PRAMEF11: variants seen among roughly 807,000 people sequenced by gnomAD.
PRAMEF11 encodes PRAME family member 11.
A neutral mutation model predicts 33.6 loss-of-function variants in PRAMEF11; 17 were observed. That is an observed-to-expected ratio of 0.51 (90% CI 0.35 to 0.76). The LOEUF (loss-of-function observed/expected upper bound fraction) is 0.76, where lower values mean the gene tolerates loss of function less well. PRAMEF11 is among the 30% of genes least tolerant of loss of function. The pLI is 0.01. For synonymous variants in PRAMEF11, 205 were observed against 227.3 expected, an observed-to-expected ratio of 0.90 and a Z score of 0.88; for missense variants, 568 against 567.0, an observed-to-expected ratio of 1.00 and a Z score of -0.02.
rs746696748 is a variant in PRAMEF11, at chr1:12,825,215, A to G, written c.1164T>C (p.Cys388=). Reference sequence around the variant, plus strand: ...GGGTGGCCATGCAGATGGGATTTCCACAGAAGCTGAAGGTGTTGAGCTCAA... The same window carrying G: ...GGGTGGCCATGCAGATGGGATTTCCGCAGAAGCTGAAGGTGTTGAGCTCAA... The part of the protein sequence containing the change: ...RCFELNTFSF[C]GNPICMATLE... The change falls in exon 4 of 4, where the codon TGT becomes TGC. Residue 388 remains cysteine (C), a synonymous_variant. Coordinates refer to ENST00000619922, the MANE Select transcript of PRAMEF11 (RefSeq NM_001146344.3). The G allele has an allele frequency of 6.2e-7, 1 of 1,607,418 alleles. No individual in the cohort carries two copies. Among genetic ancestry groups the G allele is most frequent in the African/African-American group, 1.3e-5 (1 of 74,500 alleles).
intron 1 of PRAMEF11, among the ~76,000 whole-genome samples, chr1:12,830,213 C>T (rs1291681584): frequency 6.6e-6 from 1 of 151,378 alleles, no homozygotes; most frequent in Non-Finnish European, 1.5e-5. Flanking sequence ...AAACAGTTTT[C>T]AAAGACAGAG....
rs200394590 is a variant in PRAMEF11, at chr1:12,828,511, T to C, written c.279A>G (p.Gln93=). The C allele has an allele frequency of 1.9e-6, 3 of 1,597,826 alleles. No homozygotes were observed. Among genetic ancestry groups the C allele is most frequent in the Non-Finnish European group, 1.7e-6 (2 of 1,172,040 alleles). Residue 93 remains glutamine, a synonymous_variant, in exon 2 of 4, where the codon CAA becomes CAG. Transcript: ENST00000619922. ...VLDGLDALLT[Q]GVRPRRWKLQ... ...GGCCACCTCACCTGGGACGAACCCC[T>C]TGGGTAAGCAGTGCATCCAGCCCAT... is the stretch of plus-strand genomic sequence containing the variant.
Position 12,824,796 on chromosome 1 carries a change from T to A in PRAMEF11, c.*146A>T. On this transcript the variant is annotated 3_prime_UTR_variant, in exon 4 of 4. Transcript: ENST00000619922. ...CATTTCCCCCAAGTCCTGCCCCTGC[T>A]TGATCAGCTTTCCTTTCCCACTTTC... is the stretch of plus-strand genomic sequence containing the variant. 7.6e-7 allele frequency: 1 copy of A among 1,313,114 alleles called. No homozygotes were observed. The highest frequency in any genetic ancestry group is 1.1e-6 in the Non-Finnish European group (1 of 951,290). The allele number at this position is 1,313,114 out of a possible 1,614,324, so 81.3% of individuals were successfully genotyped here. A position where few individuals can be genotyped will look rare whatever the true frequency, so the allele number is the denominator to read the frequency against.
intron 1 of PRAMEF11, among the ~76,000 whole-genome samples, chr1:12,829,205 C>A (rs1156395585): frequency 6.6e-6 from 1 of 151,352 alleles, no homozygotes; most frequent in Admixed American, 6.6e-5. Flanking sequence ...TTGTTGGGAA[C>A]ATTCATGGGG....
At chr1:12,830,824 A>T (rs1291766034) in intron 1 of PRAMEF11, among the ~76,000 whole-genome samples, 1 of 150,542 alleles carries the variant, frequency 6.6e-6, no homozygotes, top group African/African-American at 2.4e-5. Flanking sequence ...CCCCACCTCT[A>T]CTAAAAATAC....
chr1:12,829,463 G>A (rs557679088), intron 1 of PRAMEF11, among the ~76,000 whole-genome samples: 2 of 150,954 alleles, frequency 1.3e-5, no homozygotes, highest in East Asian at 4.0e-4. Flanking sequence ...GTGTAGTGGT[G>A]GGATCTCAGC....
In PRAMEF11 at chr1:12,828,824, A is replaced by C; in HGVS notation, c.-16-19T>G. ...GGGAAAACTTCCAGAGGACAAACCC[A>C]GAGAAAAGGCATCACTCTCAGGCCA... On this transcript the variant is annotated intron_variant, in intron 1 of 3. Transcript: ENST00000619922. 1 of 1,607,752 alleles carries C rather than the reference A, an allele frequency of 6.2e-7. No individual in the cohort carries two copies. The highest frequency in any genetic ancestry group is 8.5e-7 in the Non-Finnish European group (1 of 1,177,224).
In PRAMEF11 at chr1:12,828,611, G is replaced by A; in HGVS notation, c.179C>T (p.Ala60Val). 1.2e-6 allele frequency: 2 copies of A among 1,604,440 alleles called. No homozygotes were observed. Among genetic ancestry groups the A allele is most frequent in the Middle Eastern group, 1.7e-4 (1 of 5,840 alleles). Residue 60 changes from alanine (A) to valine (V), a missense_variant, in exon 2 of 4, where the codon GCC becomes GTC. Ala to Val is a moderately conservative substitution (Grantham distance 64). Coordinates refer to ENST00000619922, the MANE Select transcript of PRAMEF11 (RefSeq NM_001146344.3). ...RCEALKLMVQ[A>V]WPFRRLPLRP... is the part of the protein sequence containing the mutation. ...CAGAGGGAGGCGGCGGAAGGGCCAG[G>A]CCTGCACCATCAGCTTCAGGGCCTC... is the stretch of plus-strand genomic sequence containing the variant.
chr1:12,830,748 G>A (rs1305527629), intron 1 of PRAMEF11, among the ~76,000 whole-genome samples: 7 of 150,490 alleles, frequency 4.7e-5, no homozygotes, highest in African/African-American at 1.7e-4. Flanking sequence ...CAGCACTTTG[G>A]GAGGCCAAGG....
intron 3 of PRAMEF11, among the ~76,000 whole-genome samples, chr1:12,826,625 G>T (rs1469525498): frequency 6.6e-6 from 1 of 151,274 alleles, no homozygotes; most frequent in African/African-American, 2.4e-5. Context: ...AGCCAGGTGT[G>T]GTGGCCCACG....
At chr1:12,828,843 C>T (rs1437854943) in intron 1 of PRAMEF11, 38 bp from the exon 2 acceptor site, 3 of 1,604,646 alleles carry the variant, frequency 1.9e-6, no homozygotes, top group Non-Finnish European at 2.6e-6. Context: ...GCATCACTCT[C>T]AGGCCAAGCC....
In PRAMEF11 at chr1:12,828,554, G is replaced by A. The variant is rs554070280; in HGVS notation, c.236C>T (p.Ala79Val). The A allele has an allele frequency of 1.2e-6, 2 of 1,606,578 alleles. No individual in the cohort carries two copies. The highest frequency in any genetic ancestry group is 1.7e-5 in the Admixed American group (1 of 59,402). ...RPLIKMPCLEAFQAVLDGLDA... is the reference protein window; with the variant it reads ...RPLIKMPCLEVFQAVLDGLDA... ...CAGCCCATCGAGCACAGCTTGGAAG[G>A]CCTCCAGACAAGGCATCTTTATCAG... is the stretch of plus-strand genomic sequence containing the variant. Residue 79 changes from alanine to valine, a missense_variant, in exon 2 of 4, where the codon GCC becomes GTC. Ala to Val is a moderately conservative substitution (Grantham distance 64). Transcript: ENST00000619922.
chr1:12,829,382 TTCTC>T (rs924814897), intron 1 of PRAMEF11, among the ~76,000 whole-genome samples: 7 of 149,028 alleles, frequency 4.7e-5, no homozygotes, highest in African/African-American at 1.7e-4. Context: ...CCTTCTCTCA[TTCTC>T]TCTCTCTTTC....
Position 12,828,584 on chromosome 1 carries a change from C to G in PRAMEF11, c.206G>C (p.Arg69Thr), listed in dbSNP as rs1639929146. 6.2e-7 allele frequency: 1 copy of G among 1,605,782 alleles called. No homozygotes were observed. The highest frequency in any genetic ancestry group is 1.7e-5 in the Admixed American group (1 of 59,190). The change falls in exon 2 of 4, where the codon AGG becomes ACG. Residue 69 changes from arginine to threonine, a missense_variant. Physicochemically the swap from Arg to Thr is moderately conservative, Grantham distance 71. Coordinates refer to ENST00000619922, the MANE Select transcript of PRAMEF11 (RefSeq NM_001146344.3). ...CAGACAAGGCATCTTTATCAGAGGC[C>G]TCAGAGGGAGGCGGCGGAAGGGCCA... The part of the protein sequence containing the change: ...QAWPFRRLPL[R>T]PLIKMPCLEA...
In PRAMEF11 at chr1:12,825,172, G is replaced by C. The variant is rs1639831254; in HGVS notation, c.1207C>G (p.His403Asp). The C allele has an allele frequency of 6.2e-7, 1 of 1,608,496 alleles. No homozygotes were observed. Among genetic ancestry groups the C allele is most frequent in the Admixed American group, 1.7e-5 (1 of 59,602 alleles). Residue 403 changes from histidine to aspartate, a missense_variant, in exon 4 of 4, where the codon CAC (histidine) becomes GAC (aspartate). By Grantham distance (81) the His-to-Asp change is moderately conservative (BLOSUM62 -1). Around this residue, in one of 3 missense-constraint regions of PRAMEF11, gnomAD observed 174 missense variants for 127.2 expected, o/e 1.37. Coordinates refer to ENST00000619922, the MANE Select transcript of PRAMEF11 (RefSeq NM_001146344.3). ...CATAAGTTTTTGAGTATGATTGTGT[G>C]GCTCAGCAGGTTCTCCAGGGTGGCC... is the stretch of plus-strand genomic sequence containing the variant. ...CMATLENLLS[H>D]TIILKNLCLE...
In PRAMEF11 at chr1:12,828,530, A is replaced by G. The variant is rs1260905035; in HGVS notation, c.260T>C (p.Leu87Pro). ...AACCCCTTGGGTAAGCAGTGCATCCAGCCCATCGAGCACAGCTTGGAAGGC... is the reference window on the plus strand; with the variant it reads ...AACCCCTTGGGTAAGCAGTGCATCCGGCCCATCGAGCACAGCTTGGAAGGC... ...LEAFQAVLDG[L>P]DALLTQGVRP... is the part of the protein sequence containing the mutation. Residue 87 changes from leucine to proline, a missense_variant, in exon 2 of 4, where the codon CTG becomes CCG. By Grantham distance (98) the Leu-to-Pro change is moderately conservative (BLOSUM62 -3). Coordinates refer to ENST00000619922, the MANE Select transcript of PRAMEF11 (RefSeq NM_001146344.3). 3 of 1,601,122 alleles carry G rather than the reference A, an allele frequency of 1.9e-6. No individual in the cohort carries two copies. The African/African-American group carries it at 4.1e-5, about 22-fold the overall frequency.
rs1639836706 is a variant in PRAMEF11 at position 12,825,320 on chromosome 1, G to C, written c.1059C>G (p.Thr353=). Reference sequence around the variant, plus strand: ...AGTCATCTAAATCCAGGTACTCAAGGGTGGCTGCAACTTTTTCTAGGAGAA... The same window carrying C: ...AGTCATCTAAATCCAGGTACTCAAGCGTGGCTGCAACTTTTTCTAGGAGAA... The part of the protein sequence containing the change: ...LQILLEKVAA[T]LEYLDLDDCG... The change falls in exon 4 of 4, where the codon ACC becomes ACG. Residue 353 remains threonine, a synonymous_variant. Coordinates refer to ENST00000619922, the MANE Select transcript of PRAMEF11 (RefSeq NM_001146344.3). 1 of 1,590,134 alleles carries C rather than the reference G, an allele frequency of 6.3e-7. No individual in the cohort carries two copies. Among genetic ancestry groups the C allele is most frequent in the African/African-American group, 1.4e-5 (1 of 72,212 alleles).
rs1158247675 is a variant in PRAMEF11 at position 12,830,176 on chromosome 1, C to G, written c.-17+1180G>C. Among the ~76,000 whole-genome samples the G allele has an allele frequency of 2.6e-5, 4 of 151,294 alleles. 1 individual carries two copies. The highest frequency in any genetic ancestry group is 4.8e-5 in the African/African-American group (2 of 41,292). ...TTTGTTGAGGGATCCTTGGCCATGT[C>G]AAATTTATCAAAATATTTCAGAGTT... On this transcript the variant is annotated intron_variant, in intron 1 of 3. Coordinates refer to ENST00000619922, the MANE Select transcript of PRAMEF11 (RefSeq NM_001146344.3).
intron 1 of PRAMEF11, among the ~76,000 whole-genome samples, chr1:12,829,250 A>G (rs202150492): frequency 1.3e-5 from 2 of 150,938 alleles, no homozygotes; most frequent in East Asian, 2.0e-4. Context: ...TTTTCTTTTC[A>G]TTATTTAAGC....
Sources: gnomAD v4.1 joint callset for allele counts (sites outside exome capture counted in the v4.1 genomes callset) on GRCh38, gnomAD v4.1.1 for gene constraint, gnomAD v4.1.1 regional missense constraint, MANE v1.5 for transcripts, NCBI Gene and HGNC (gene_info 2026-07-23, HGNC 2026-07-21) for gene names.